The following STPG2 variants were observed in gnomAD, a reference collection of about 807,000 sequenced individuals.
STPG2 encodes sperm tail PG-rich repeat containing 2.
Under a neutral mutation model 54.2 loss-of-function variants are expected in STPG2, and 56 were observed. The ratio of observed to expected loss-of-function variants is 1.03; its 90% CI spans 0.83 to 1.29. The LOEUF is 1.29. Ranked by LOEUF, STPG2 falls within the 50% of genes most tolerant of loss-of-function variation. The probability of loss-of-function intolerance (pLI) is 0.00; values close to 1 mark genes in which losing one functional copy is unlikely to be tolerated. For missense variants in STPG2, 596 were observed against 544.9 expected (o/e 1.09, Z -0.93); for synonymous variants, 200 against 181.8 (o/e 1.10, Z -0.81).
intron 7 of STPG2, among the ~76,000 whole-genome samples, chr4:97,960,630 T>C (rs773691834): frequency 3.3e-5 from 5 of 152,052 alleles, no homozygotes; most frequent in African/African-American, 7.2e-5. Flanking sequence ...CTTAGGAATA[T>C]ACCTAACCAA....
intron 5 of STPG2, among the ~76,000 whole-genome samples, chr4:98,024,624 C>A (rs1736354912): frequency 1.3e-5 from 2 of 151,946 alleles, no homozygotes; most frequent in South Asian, 2.1e-4. Flanking sequence ...AAGAATAAAC[C>A]AAAGTATCTA....
chr4:97,645,847 AGTACT>A (rs1560701294), intron 10 of STPG2, among the ~76,000 whole-genome samples: 1 of 152,138 alleles, frequency 6.6e-6, no homozygotes, highest in African/African-American at 2.4e-5. Context: ...GATAAAAATT[AGTACT>A]GTAAATAGTT....
intron 10 of STPG2, among the ~76,000 whole-genome samples, chr4:97,595,475 G>A (rs977896268): frequency 6.6e-6 from 1 of 152,048 alleles, no homozygotes; most frequent in African/African-American, 2.4e-5. Context: ...GGGAGGGTTA[G>A]CATTAGGAGA....
chr4:98,042,218 CTGT>C (rs1161191813), intron 5 of STPG2, among the ~76,000 whole-genome samples: 1 of 124,886 alleles, frequency 8.0e-6, no homozygotes, highest in East Asian at 2.2e-4. Flanking sequence ...TGGATTTTCT[CTGT>C]TTTTTTTGGT....
chr4:97,476,985 A>C (rs1337693882), intron 4 of STPG2, among the ~76,000 whole-genome samples: 1 of 152,184 alleles, frequency 6.6e-6, no homozygotes, highest in Non-Finnish European at 1.5e-5. Context: ...TTTGGGGACA[A>C]AACCACAGCC....
intron 9 of STPG2, among the ~76,000 whole-genome samples, chr4:97,784,628 G>T (rs181809252): frequency 6.6e-6 from 1 of 152,000 alleles, no homozygotes; most frequent in East Asian, 1.9e-4. Flanking sequence ...GAATCAGTAG[G>T]AATACAGCAG....
intron 5 of STPG2, chr4:98,026,307 T>C: frequency 1.6e-6 from 1 of 643,466 alleles, no homozygotes; most frequent in Middle Eastern, 4.6e-4. Context: ...ATAAAGACAA[T>C]AAAAGTATGG....
chr4:97,905,176 GA>G, intron 8 of STPG2, among the ~76,000 whole-genome samples: 1 of 151,482 alleles, frequency 6.6e-6, no homozygotes, highest in Non-Finnish European at 1.5e-5. Context: ...AAGTTGAAAT[GA>G]AGGAAAAAAT....
intron 9 of STPG2, among the ~76,000 whole-genome samples, chr4:97,724,510 GA>G: frequency 6.6e-6 from 1 of 152,048 alleles, no homozygotes; most frequent in South Asian, 2.1e-4. Flanking sequence ...TTACTCTTTT[GA>G]AAATGATCAC....
At chr4:97,977,141 G>A (rs548737603) in intron 6 of STPG2, among the ~76,000 whole-genome samples, 88 of 152,146 alleles carry the variant, frequency 5.8e-4, no homozygotes, top group Non-Finnish European at 7.2e-4. Flanking sequence ...AAGACCCCTT[G>A]CCTCTCCACT....
rs529122883 is a variant in STPG2 at position 98,021,899 on chromosome 4, G to C, written c.613-40581C>G. Reference sequence around the variant, plus strand: ...ATCTTCCTCCATCCCTTTATTCTGAGCCTATGTGTGTCTCTGCACCTGAGA... The same window carrying C: ...ATCTTCCTCCATCCCTTTATTCTGACCCTATGTGTGTCTCTGCACCTGAGA... On this transcript the variant is annotated intron_variant, in intron 5 of 10. Transcript: ENST00000295268. 1.3e-3 allele frequency among the ~76,000 whole-genome samples: 202 copies of C among 151,800 alleles called. 4 individuals carry two copies. The East Asian group carries it at 0.034, about 26-fold the overall frequency.
intron 9 of STPG2, among the ~76,000 whole-genome samples, chr4:97,839,929 A>G (rs1188047406): frequency 2.0e-5 from 3 of 151,472 alleles, no homozygotes; most frequent in Admixed American, 1.3e-4. Flanking sequence ...ATGGTTGTTT[A>G]GTGGGAATAC....
intron 9 of STPG2, among the ~76,000 whole-genome samples, chr4:97,737,798 T>C (rs921687991): frequency 1.1e-4 from 16 of 152,246 alleles, no homozygotes; most frequent in African/African-American, 3.4e-4. Context: ...CAGGATATTA[T>C]CCAGGAGAAC....
At chr4:97,680,926 A>C (rs1054614708) in intron 10 of STPG2, among the ~76,000 whole-genome samples, 4 of 152,022 alleles carry the variant, frequency 2.6e-5, no homozygotes, top group African/African-American at 9.7e-5. Context: ...AAACAACTAA[A>C]ATAGGAATTT....
intron 5 of STPG2, among the ~76,000 whole-genome samples, chr4:98,032,773 C>A (rs1417648637): frequency 6.6e-6 from 1 of 152,156 alleles, no homozygotes; most frequent in East Asian, 1.9e-4. Flanking sequence ...CAAATTAGAA[C>A]CTAGGATTAA....
At chr4:97,842,011 A>C (rs1728815131) in intron 8 of STPG2, among the ~76,000 whole-genome samples, 1 of 151,866 alleles carries the variant, frequency 6.6e-6, no homozygotes, top group African/African-American at 2.4e-5. Context: ...AGTTTCAAAT[A>C]AGTCAAACAA....
chr4:97,543,762 C>T (rs1317765177), intron 4 of STPG2, among the ~76,000 whole-genome samples: 4 of 151,942 alleles, frequency 2.6e-5, no homozygotes, highest in African/African-American at 9.7e-5. Context: ...TTATATGACC[C>T]TTAATTTTGA....
At chr4:97,756,299 T>C (rs1016005226) in intron 9 of STPG2, among the ~76,000 whole-genome samples, 1 of 151,970 alleles carries the variant, frequency 6.6e-6, no homozygotes, top group African/African-American at 2.4e-5. Flanking sequence ...CAATTCCCTG[T>C]AGTTTTGTTT....
intron 10 of STPG2, among the ~76,000 whole-genome samples, chr4:97,612,377 A>G (rs1000364103): frequency 6.6e-6 from 1 of 152,058 alleles, no homozygotes; most frequent in African/African-American, 2.4e-5. Context: ...CCATTCTAGA[A>G]AATAATTCAG....
Sources: allele counts gnomAD v4.1 joint callset (sites outside exome capture counted in the v4.1 genomes callset), GRCh38; gene constraint gnomAD v4.1.1; transcripts MANE v1.5; gene names NCBI Gene and HGNC (gene_info 2026-07-23, HGNC 2026-07-21).